SPATA1: variants seen among roughly 807,000 people sequenced by gnomAD.
The protein encoded by SPATA1 is spermatogenesis associated 1.
A neutral mutation model predicts 59.6 loss-of-function variants in SPATA1; 57 were observed. That is an observed-to-expected ratio of 0.96 (90% CI 0.77 to 1.19). The LOEUF is 1.19. Among genes scored for constraint, SPATA1 ranks in the 50% most tolerant of loss-of-function variants. The pLI, the probability that SPATA1 is intolerant of heterozygous loss-of-function variation, is 0.00. For missense variants in SPATA1, 448 were observed against 480.7 expected (o/e 0.93, Z 0.64); for synonymous variants, 147 against 163.9 (o/e 0.90, Z 0.79).
chr1:84,528,933 A>C (rs925349417), intron 6 of SPATA1, among the ~76,000 whole-genome samples: 12 of 152,100 alleles, frequency 7.9e-5, no homozygotes, highest in African/African-American at 2.9e-4. Context: ...CTCCAAATGC[A>C]TTTCCAGTTA....
chr1:84,541,971 T>C (rs1189298389), intron 8 of SPATA1, among the ~76,000 whole-genome samples: 2 of 152,074 alleles, frequency 1.3e-5, no homozygotes, highest in Non-Finnish European at 2.9e-5. Flanking sequence ...TGTTGTTGTT[T>C]TATTTTCATT....
intron 1 of SPATA1, chr1:84,506,653 C>T (rs12093101): frequency 0.022 from 3,431 of 152,974 alleles, 56 homozygotes; most frequent in South Asian, 0.042. Context: ...CCGCCCCGTA[C>T]AGGCGTGTCT....
chr1:84,542,210 C>T (rs1218645221), intron 8 of SPATA1, among the ~76,000 whole-genome samples: 1 of 152,088 alleles, frequency 6.6e-6, no homozygotes, highest in East Asian at 1.9e-4. Context: ...GTGATCCACC[C>T]GCCTTGGCCT....
chr1:84,564,440 T>A (rs1182196185), intron 4 of SPATA1, among the ~76,000 whole-genome samples: 6 of 152,184 alleles, frequency 3.9e-5, no homozygotes, highest in Admixed American at 3.9e-4. Context: ...CTAAAAAACT[T>A]TATTACTTTT....
chr1:84,544,284 T>C (rs753298317), exon 9 of SPATA1: 6 of 1,577,246 alleles, frequency 3.8e-6, no homozygotes, highest in East Asian at 4.6e-5. Context: ...ATAACTGATA[T>C]ATCTTTATTA....
intron 9 of SPATA1, 45 bp downstream of exon 9, chr1:84,544,349 AG>A: frequency 7.1e-7 from 1 of 1,415,522 alleles, no homozygotes; most frequent in Non-Finnish European, 9.7e-7. Flanking sequence ...TGTGAGGTAA[AG>A]TAAATAATGT....
chr1:84,537,810 T>C lies in SPATA1; in HGVS notation c.717+4044T>C, dbSNP rs578094276. On this transcript the variant is annotated intron_variant, in intron 8 of 12. Transcript: ENST00000490879. ...AGGGGTCAGATAATAAGTGAAGTTT[T>C]AGCTAAATCAGTCTTCTGGTGTGCT... Among the ~76,000 whole-genome samples the C allele has an allele frequency of 5.3e-5, 8 of 152,344 alleles. No homozygotes were observed. In the South Asian group the frequency reaches 6.2e-4, roughly 12 times the overall value.
At chr1:84,540,999 A>G (rs1164811195) in intron 8 of SPATA1, among the ~76,000 whole-genome samples, 1 of 152,244 alleles carries the variant, frequency 6.6e-6, no homozygotes, top group African/African-American at 2.4e-5. Flanking sequence ...GACTGGCTAT[A>G]AAATCCTTGG....
chr1:84,545,423 T>C (rs1419330637), intron 9 of SPATA1, among the ~76,000 whole-genome samples: 1 of 152,072 alleles, frequency 6.6e-6, no homozygotes, highest in African/African-American at 2.4e-5. Context: ...CACACTATTT[T>C]ATAAATCTCC....
chr1:84,564,844 C>T (rs1302318202), intron 4 of SPATA1, among the ~76,000 whole-genome samples: 1 of 151,830 alleles, frequency 6.6e-6, no homozygotes, highest in African/African-American at 2.4e-5. Flanking sequence ...CCAGCCTGGG[C>T]AACATAGTAT....
chr1:84,524,537 C>A (rs1683143092), intron 4 of SPATA1, among the ~76,000 whole-genome samples: 2 of 152,264 alleles, frequency 1.3e-5, no homozygotes, highest in African/African-American at 4.8e-5. Flanking sequence ...GCCTAAGGAA[C>A]AAGCTGCCTC....
rs112179515 is a variant in SPATA1, at chr1:84,532,167, C to G, written c.545-693C>G. ...ATTTTCCAGAGAAGGTTCCTCAGAG[C>G]ACTGTTTCAAAAACTGCTTTGGCAA... On this transcript the variant is annotated intron_variant, in intron 6 of 12. Transcript: ENST00000490879. Among the ~76,000 whole-genome samples the G allele has an allele frequency of 7.2e-5, 11 of 152,260 alleles. 1 individual carries two copies. Among genetic ancestry groups the G allele is most frequent in the African/African-American group, 2.6e-4 (11 of 41,566 alleles).
chr1:84,517,719 G>T (rs1558574341), intron 2 of SPATA1, among the ~76,000 whole-genome samples: 1 of 151,762 alleles, frequency 6.6e-6, no homozygotes, highest in African/African-American at 2.4e-5. Context: ...TCTTCTACTT[G>T]ACTCTTAAAC....
chr1:84,536,159 ATAT>A (rs1341233593), intron 8 of SPATA1, among the ~76,000 whole-genome samples: 1 of 152,246 alleles, frequency 6.6e-6, no homozygotes, highest in Non-Finnish European at 1.5e-5. Flanking sequence ...ACTTAGAAAA[ATAT>A]TATTGGAAAT....
At chr1:84,562,194 T>C (rs756301021) in intron 4 of SPATA1, among the ~76,000 whole-genome samples, 1 of 152,216 alleles carries the variant, frequency 6.6e-6, no homozygotes, top group Non-Finnish European at 1.5e-5. Flanking sequence ...GTACAGTATA[T>C]AGTGTTTTTC....
At chr1:84,548,683 A>T in intron 10 of SPATA1, 103 bp from the exon 11 acceptor site, 1 of 1,268,948 alleles carries the variant, frequency 7.9e-7, no homozygotes, top group Non-Finnish European at 1.0e-6. Flanking sequence ...GTTTAAATTG[A>T]CATTAGCTCT....
rs376639605 is a variant in SPATA1 at position 84,544,321 on chromosome 1, C to G, written c.820+17C>G. 3 of 1,511,096 alleles carry G rather than the reference C, an allele frequency of 2.0e-6. No individual in the cohort carries two copies. The highest frequency in any genetic ancestry group is 2.8e-5 in the African/African-American group (2 of 72,510). The allele number at this position is 1,511,096 out of a possible 1,614,324, so 93.6% of individuals were successfully genotyped here. A position where few individuals can be genotyped will look rare whatever the true frequency, so the allele number is the denominator to read the frequency against. On this transcript the variant is annotated intron_variant, in intron 9 of 12. Coordinates refer to ENST00000490879, the Ensembl canonical transcript of SPATA1. The stretch of plus-strand genomic sequence containing the variant: ...AAACTGAAAGTAAGTATAGTGCAAT[C>G]GTAAGTACAGATGATTCTGTGAGGT...
At chr1:84,516,599 A>G (rs761700061) in intron 2 of SPATA1, among the ~76,000 whole-genome samples, 8 of 152,136 alleles carry the variant, frequency 5.3e-5, no homozygotes, top group Non-Finnish European at 8.8e-5. Context: ...GGGATCCCCA[A>G]TGCATTGATC....
chr1:84,566,965 C>T (rs1364223954), downstream of SPATA1, among the ~76,000 whole-genome samples: 4 of 152,190 alleles, frequency 2.6e-5, no homozygotes, highest in African/African-American at 7.2e-5. Flanking sequence ...CAGCCTTCAA[C>T]AAGAATGTGT....
Sources: gnomAD v4.1 joint callset for allele counts (sites outside exome capture counted in the v4.1 genomes callset) on GRCh38, gnomAD v4.1.1 for gene constraint, MANE v1.5 for transcripts, NCBI Gene and HGNC (gene_info 2026-07-23, HGNC 2026-07-21) for gene names.